The following CSMD1 variants were observed in gnomAD, a reference collection of about 807,000 sequenced individuals.
CSMD1 encodes the protein CUB and Sushi multiple domains 1, also known as CUB and sushi domain-containing protein 1.
A neutral mutation model predicts 417.5 loss-of-function variants in CSMD1; 213 were observed. The observed-to-expected ratio is 0.51, with a 90% confidence interval of 0.46 to 0.57. The LOEUF (loss-of-function observed/expected upper bound fraction) is 0.57, where lower values mean the gene tolerates loss of function less well. Ranked by LOEUF, CSMD1 falls within the 20% of genes least tolerant of loss-of-function variation. The pLI is 0.00. For synonymous variants in CSMD1, 2,862 were observed against 1,736.8 expected (o/e 1.65, Z -16.11); for missense variants, 6,923 against 4,529.7 (o/e 1.53, Z -15.17).
chr8:3,724,309 T>C (rs1563312658), intron 6 of CSMD1, among the ~76,000 whole-genome samples: 1 of 152,134 alleles, frequency 6.6e-6, no homozygotes, highest in South Asian at 2.1e-4. Flanking sequence ...TAACTCGTCA[T>C]CTAGCATTAG....
At chr8:3,445,289 C>A (rs10283040) in intron 12 of CSMD1, among the ~76,000 whole-genome samples, 21 of 152,020 alleles carry the variant, frequency 1.4e-4, no homozygotes, top group Non-Finnish European at 2.5e-4. Flanking sequence ...ATTTTGGGGA[C>A]GTCACTAAGG....
intron 10 of CSMD1, among the ~76,000 whole-genome samples, chr8:3,560,178 C>T (rs2116855204): frequency 6.6e-6 from 1 of 152,156 alleles, no homozygotes; most frequent in East Asian, 1.9e-4. Flanking sequence ...ACAGGAAGAG[C>T]CCTTGAAATA....
intron 7 of CSMD1, among the ~76,000 whole-genome samples, chr8:3,689,828 T>C (rs1245392221): frequency 2.0e-5 from 3 of 152,232 alleles, no homozygotes; most frequent in Non-Finnish European, 4.4e-5. Context: ...GATTCCAAAC[T>C]ACTGGGCTCA....
At chr8:4,858,095 C>T (rs1368893432) in intron 1 of CSMD1, among the ~76,000 whole-genome samples, 1 of 151,904 alleles carries the variant, frequency 6.6e-6, no homozygotes, top group South Asian at 2.1e-4. Flanking sequence ...CCCTGGGATG[C>T]AAGGCTGGTT....
chr8:4,525,631 T>A (rs1796474648), intron 2 of CSMD1, among the ~76,000 whole-genome samples: 2 of 152,118 alleles, frequency 1.3e-5, no homozygotes, highest in African/African-American at 2.4e-5. Flanking sequence ...TAATAGCGGT[T>A]TTTGTCATTA....
At chr8:3,621,594 CT>C (rs909495788) in intron 7 of CSMD1, among the ~76,000 whole-genome samples, 1 of 151,724 alleles carries the variant, frequency 6.6e-6, no homozygotes, top group South Asian at 2.1e-4. Flanking sequence ...TCTTTTCTTA[CT>C]TTTTTTTCTT....
Position 3,087,060 on chromosome 8 carries a change from C to T in CSMD1, c.7474+37G>A, listed in dbSNP as rs183507449. 986 of 1,565,550 alleles carry T rather than the reference C, an allele frequency of 6.3e-4. 2 individuals are homozygous for T. In the African/African-American group the frequency reaches 0.012, roughly 18 times the overall value. On this transcript the variant is annotated intron_variant, in intron 49 of 69. Coordinates refer to ENST00000635120, the MANE Select transcript of CSMD1 (RefSeq NM_033225.6). ...GAGTGATTAAAATGAGAGCAATACA[C>T]AGGAAACAAGGCTGGGGATGAAAAC... is the stretch of plus-strand genomic sequence containing the variant.
At chr8:3,403,576 C>T (rs1812169459) in intron 15 of CSMD1, among the ~76,000 whole-genome samples, 1 of 152,200 alleles carries the variant, frequency 6.6e-6, no homozygotes, top group Non-Finnish European at 1.5e-5. Flanking sequence ...GGTCCACACT[C>T]ACCCTGCAGG....
chr8:4,057,814 T>G lies in CSMD1; in HGVS notation c.416-25715A>C, dbSNP rs189714223. The stretch of plus-strand genomic sequence containing the variant: ...GACTCCTTTCCCCATTGCTTGTTTT[T>G]GTCAGGTTTGTCAAAGATCAGATAG... On this transcript the variant is annotated intron_variant, in intron 3 of 69. Coordinates refer to ENST00000635120, the MANE Select transcript of CSMD1 (RefSeq NM_033225.6). 1.9e-4 allele frequency among the ~76,000 whole-genome samples: 29 copies of G among 152,334 alleles called. No homozygotes were observed. In the East Asian group the frequency reaches 5.0e-3, roughly 26 times the overall value.
intron 1 of CSMD1, among the ~76,000 whole-genome samples, chr8:4,847,203 T>G (rs949575248): frequency 1.3e-5 from 2 of 152,208 alleles, no homozygotes; most frequent in African/African-American, 4.8e-5. Flanking sequence ...GGTCTCTCAC[T>G]ATATGAAATT....
At chr8:3,765,416 G>C (rs1238379053) in intron 5 of CSMD1, among the ~76,000 whole-genome samples, 3 of 152,066 alleles carry the variant, frequency 2.0e-5, no homozygotes, top group Admixed American at 6.6e-5. Context: ...TTGTTTCATA[G>C]GCTTCCCTGG....
intron 8 of CSMD1, among the ~76,000 whole-genome samples, chr8:3,586,890 C>T (rs985156280): frequency 5.3e-5 from 8 of 152,180 alleles, no homozygotes; most frequent in Non-Finnish European, 1.0e-4. Context: ...ACCTCCGCCT[C>T]CGGGGTTCAA....
At position 3,909,253 on chromosome 8, in the gene CSMD1, C is replaced by T. The variant is rs532088871; in HGVS notation, c.818+88650G>A. Among the ~76,000 whole-genome samples the T allele has an allele frequency of 3.9e-5, 6 of 152,160 alleles. No homozygotes were observed. The South Asian group carries it at 1.2e-3, about 32-fold the overall frequency. On this transcript the variant is annotated intron_variant, in intron 5 of 69. Transcript: ENST00000635120. ...GTCCTGGCTTGGAGGAGATGTAGAC[C>T]CAAAAGGTGTCAGTGTTGAGGCACT...
Position 3,734,772 on chromosome 8 carries a change from G to C in CSMD1, c.931+19158C>G, listed in dbSNP as rs1427970582. Reference sequence around the variant, plus strand: ...AATGTGGCTGCTTCTTCTGTAATCAGATCTCTCTGCTCTCTGCAACTGGGT... The same window carrying C: ...AATGTGGCTGCTTCTTCTGTAATCACATCTCTCTGCTCTCTGCAACTGGGT... On this transcript the variant is annotated intron_variant, in intron 6 of 69. Transcript: ENST00000635120. Among the ~76,000 whole-genome samples, 5 of 152,176 alleles carry C rather than the reference G, an allele frequency of 3.3e-5. No individual in the cohort carries two copies. In the East Asian group the frequency reaches 7.7e-4, roughly 24 times the overall value.
chr8:3,442,371 C>G (rs1319924890), intron 12 of CSMD1, among the ~76,000 whole-genome samples: 2 of 152,152 alleles, frequency 1.3e-5, no homozygotes, highest in Non-Finnish European at 2.9e-5. Context: ...CACTCACTGA[C>G]TCACCCAGAA....
intron 5 of CSMD1, among the ~76,000 whole-genome samples, chr8:3,978,791 C>G (rs1225983666): frequency 6.6e-6 from 1 of 152,152 alleles, no homozygotes; most frequent in African/African-American, 2.4e-5. Flanking sequence ...GGGAAAGCAG[C>G]TTTCCTTTCC....
rs1031198470 is a variant in CSMD1 at position 3,387,385 on chromosome 8, C to A, written c.2782+109G>T. The A allele has an allele frequency of 5.9e-6, 5 of 848,358 alleles. No homozygotes were observed. In the African/African-American group the frequency reaches 6.8e-5, roughly 12 times the overall value. The allele number at this position is 848,358 out of a possible 1,614,324, so 52.6% of individuals were successfully genotyped here. A position where few individuals can be genotyped will look rare whatever the true frequency, so the allele number is the denominator to read the frequency against. On this transcript the variant is annotated intron_variant, in intron 18 of 69. Coordinates refer to ENST00000635120, the MANE Select transcript of CSMD1 (RefSeq NM_033225.6). Reference sequence around the variant, plus strand: ...TACAACTTCTCAGAGGGAACTCACGCCAGTCGTAAGGTACCACCCCCTGAA... The same window carrying A: ...TACAACTTCTCAGAGGGAACTCACGACAGTCGTAAGGTACCACCCCCTGAA...
intron 10 of CSMD1, among the ~76,000 whole-genome samples, chr8:3,518,348 C>A (rs1447474087): frequency 1.3e-5 from 2 of 152,102 alleles, no homozygotes; most frequent in Non-Finnish European, 2.9e-5. Flanking sequence ...AACCTGCGTA[C>A]CAACATCATA....
chr8:3,936,972 G>T (rs1032827713), intron 5 of CSMD1, among the ~76,000 whole-genome samples: 18 of 152,224 alleles, frequency 1.2e-4, no homozygotes, highest in East Asian at 3.9e-4. Flanking sequence ...GAGTTTAAAA[G>T]AAGTTGATTT....
Sources: gnomAD v4.1 joint callset for allele counts (sites outside exome capture counted in the v4.1 genomes callset) on GRCh38, gnomAD v4.1.1 for gene constraint, MANE v1.5 for transcripts, NCBI Gene and HGNC (gene_info 2026-07-23, HGNC 2026-07-21) for gene names.